The following AKAP12 variants were observed in gnomAD, a reference collection of about 807,000 sequenced individuals.
The protein encoded by AKAP12 is A-kinase anchor protein 12.
A neutral mutation model predicts 79.9 loss-of-function variants in AKAP12; 32 were observed. That is an observed-to-expected ratio of 0.40 (90% confidence interval 0.30 to 0.54). The LOEUF (loss-of-function observed/expected upper bound fraction) is 0.54. Among genes scored for constraint, AKAP12 ranks in the 20% least tolerant of loss-of-function variants. The pLI is 0.48. For missense variants in AKAP12, 2,074 were observed against 2,177.0 expected (o/e 0.95, Z 0.94); for synonymous variants, 808 against 857.0 (o/e 0.94, Z 1.00).
chr6:151,300,998 T>C (rs1243548945), intron 2 of AKAP12, among the ~76,000 whole-genome samples: 3 of 152,216 alleles, frequency 2.0e-5, no homozygotes, highest in Non-Finnish European at 4.4e-5. Flanking sequence ...GGGATAAAGC[T>C]ATGCGAGGAA....
intron 3 of AKAP12, among the ~76,000 whole-genome samples, chr6:151,309,321 A>G (rs75620812): frequency 0.019 from 2,860 of 152,314 alleles, 79 homozygotes; most frequent in African/African-American, 0.066. Flanking sequence ...CCACTTAAAT[A>G]AGAAGAGAAC....
At position 151,288,148 on chromosome 6, in the gene AKAP12, G is replaced by A. The variant is rs192341148; in HGVS notation, c.163-17599G>A. 1.1e-3 allele frequency among the ~76,000 whole-genome samples: 161 copies of A among 151,852 alleles called. 1 individual carries two copies. Among genetic ancestry groups the A allele is most frequent in the Non-Finnish European group, 2.0e-3 (135 of 67,960 alleles). ...TTGATGGGTGCAGCAAATCACCATGGCACGTGTATACCTCTCTAACAAACC... is the reference window on the plus strand; with the variant it reads ...TTGATGGGTGCAGCAAATCACCATGACACGTGTATACCTCTCTAACAAACC... On this transcript the variant is annotated intron_variant, in intron 2 of 4. Transcript: ENST00000402676.
chr6:151,269,304 T>A (rs897748465), intron 2 of AKAP12, among the ~76,000 whole-genome samples: 2 of 152,144 alleles, frequency 1.3e-5, no homozygotes, highest in East Asian at 3.8e-4. Context: ...ATTTTATATT[T>A]TTTTCTAAAA....
At chr6:151,316,930 A>T (rs1355081735) in intron 3 of AKAP12, among the ~76,000 whole-genome samples, 1 of 152,004 alleles carries the variant, frequency 6.6e-6, no homozygotes, top group Non-Finnish European at 1.5e-5. Context: ...GAGCCACCAC[A>T]CCCGGCCAGG....
chr6:151,255,228 C>T (rs1797268526), intron 2 of AKAP12, among the ~76,000 whole-genome samples: 2 of 151,792 alleles, frequency 1.3e-5, no homozygotes, highest in Admixed American at 6.6e-5. Context: ...TGCAGTGGCA[C>T]GATCTCGGCT....
At chr6:151,275,395 C>T (rs1386588962) in intron 2 of AKAP12, among the ~76,000 whole-genome samples, 2 of 151,886 alleles carry the variant, frequency 1.3e-5, no homozygotes, top group African/African-American at 2.4e-5. Flanking sequence ...GTAACAGATG[C>T]CCTAAAATTG....
intron 3 of AKAP12, among the ~76,000 whole-genome samples, chr6:151,321,175 T>C (rs1777374860): frequency 6.6e-6 from 1 of 152,088 alleles, no homozygotes; most frequent in Admixed American, 6.6e-5. Flanking sequence ...TTAATAGAGA[T>C]GGGATTTCAC....
At chr6:151,317,703 A>G (rs1259860296) in intron 3 of AKAP12, among the ~76,000 whole-genome samples, 1 of 152,210 alleles carries the variant, frequency 6.6e-6, no homozygotes, top group Non-Finnish European at 1.5e-5. Flanking sequence ...GGAATCCCTT[A>G]CCTCAAGGAT....
intron 3 of AKAP12, among the ~76,000 whole-genome samples, chr6:151,345,918 TGTGTGTGTGTGTGTGA>T (rs1386778823): frequency 1.4e-5 from 2 of 137,932 alleles, no homozygotes; most frequent in African/African-American, 5.9e-5. Flanking sequence ...TGTGTGTGTG[TGTGTGTGTGTGTGTGA>T]GAGAGAGAGA....
At chr6:151,285,384 CTGTGTG>C (rs10680283) in intron 2 of AKAP12, among the ~76,000 whole-genome samples, 92 of 136,534 alleles carry the variant, frequency 6.7e-4, no homozygotes, top group South Asian at 1.9e-3. Context: ...CTGCATTTCA[CTGTGTG>C]TGTGTGTGTG....
chr6:151,240,286 T>C (rs985670075), intron 1 of AKAP12, 98 bp from the exon 2 acceptor site: 4 of 294,330 alleles, frequency 1.4e-5, no homozygotes, highest in African/African-American at 8.9e-5. Flanking sequence ...GCAGGGCGTG[T>C]CTGGGGCTGT....
In AKAP12 at chr6:151,352,939, T is replaced by C; in HGVS notation, c.4548T>C (p.Asp1516=). The part of the protein sequence containing the change: ...TSLKWKSDEV[D]EQVACQEVKV... ...TGAAGTGGAAGTCAGATGAAGTCGA[T>C]GAGCAGGTTGCTTGCCAGGAGGTCA... is the stretch of plus-strand genomic sequence containing the variant. The change falls in exon 4 of 5, where the codon GAT becomes GAC. Residue 1516 remains aspartate, a synonymous_variant. Coordinates refer to ENST00000402676, the MANE Select transcript of AKAP12 (RefSeq NM_005100.4). 1 of 1,612,902 alleles carries C rather than the reference T, an allele frequency of 6.2e-7. No homozygotes were observed. Among genetic ancestry groups the C allele is most frequent in the Non-Finnish European group, 8.5e-7 (1 of 1,179,856 alleles).
At chr6:151,246,516 ACTCGTTTTCC>A (rs1797078253) in intron 2 of AKAP12, among the ~76,000 whole-genome samples, 1 of 152,116 alleles carries the variant, frequency 6.6e-6, no homozygotes, top group South Asian at 2.1e-4. Context: ...GGAGATCAGC[ACTCGTTTTCC>A]CATGCTTTGC....
At chr6:151,248,714 GCA>G (rs1797120614) in intron 2 of AKAP12, among the ~76,000 whole-genome samples, 1 of 152,194 alleles carries the variant, frequency 6.6e-6, no homozygotes, top group Non-Finnish European at 1.5e-5. Context: ...TGCTGGCCGG[GCA>G]TGGTGGCTCA....
intron 2 of AKAP12, among the ~76,000 whole-genome samples, chr6:151,258,926 CTGTGTG>C (rs35650826): frequency 0.03 from 4,434 of 148,054 alleles, 164 homozygotes; most frequent in South Asian, 0.1. Context: ...TGTGCCCAGC[CTGTGTG>C]TGTGTGTGTG....
chr6:151,321,111 C>T (rs892209580), intron 3 of AKAP12, among the ~76,000 whole-genome samples: 5 of 151,966 alleles, frequency 3.3e-5, no homozygotes, highest in African/African-American at 7.3e-5. Context: ...CTCAGCCTCC[C>T]GAGTAGCTGG....
intron 2 of AKAP12, among the ~76,000 whole-genome samples, chr6:151,248,412 T>TTA (rs1301202999): frequency 6.6e-6 from 1 of 152,042 alleles, no homozygotes; most frequent in African/African-American, 2.4e-5. Flanking sequence ...TTCTGTAGTC[T>TTA]TAAAATGCTC....
intron 3 of AKAP12, among the ~76,000 whole-genome samples, chr6:151,337,093 C>T (rs1279068325): frequency 1.3e-5 from 2 of 152,090 alleles, no homozygotes; most frequent in South Asian, 2.1e-4. Context: ...AAGCAAATAT[C>T]GGATAGCCTC....
chr6:151,242,811 G>T (rs563939128), intron 2 of AKAP12, among the ~76,000 whole-genome samples: 2 of 152,336 alleles, frequency 1.3e-5, no homozygotes, highest in African/African-American at 4.8e-5. Flanking sequence ...CCGACCAACG[G>T]TGTTCCTTCA....
Sources: allele counts gnomAD v4.1 joint callset (sites outside exome capture counted in the v4.1 genomes callset), GRCh38; gene constraint gnomAD v4.1.1; transcripts MANE v1.5; gene names NCBI Gene and HGNC (gene_info 2026-07-23, HGNC 2026-07-21).